Variants in DEUP1 observed in about 807,000 individuals in gnomAD.
DEUP1 encodes the protein deuterosome assembly protein 1, also known as coiled-coil domain containing 67.
Under a neutral mutation model 87.4 loss-of-function variants are expected in DEUP1, and 82 were observed. That is an observed-to-expected ratio of 0.94 (90% confidence interval 0.78 to 1.13). The LOEUF is 1.13. Among genes scored for constraint, DEUP1 ranks in the 50% most tolerant of loss-of-function variants. The pLI is 0.00. For missense variants in DEUP1, 663 were observed against 681.5 expected (o/e 0.97, Z 0.30); for synonymous variants, 214 against 222.7 (o/e 0.96, Z 0.35).
At chr11:93,428,793 GT>G (rs967888949) in intron 13 of DEUP1, among the ~76,000 whole-genome samples, 5 of 152,032 alleles carry the variant, frequency 3.3e-5, no homozygotes, top group Admixed American at 2.6e-4. Flanking sequence ...TCATTAACCT[GT>G]TTTTATATAT....
chr11:93,367,472 G>T (rs988038940), intron 5 of DEUP1, among the ~76,000 whole-genome samples: 3 of 151,994 alleles, frequency 2.0e-5, no homozygotes, highest in Non-Finnish European at 4.4e-5. Flanking sequence ...TTGATATATT[G>T]TGGGAAATAG....
At position 93,414,129 on chromosome 11, in the gene DEUP1, C is replaced by T. The variant is rs60713237; in HGVS notation, c.1524-871C>T. ...AGAGATAAAGTTACCTGCTCAAGAT[C>T]ACACAACTAGTAACTGGAGGAGCTT... is the stretch of plus-strand genomic sequence containing the variant. On this transcript the variant is annotated intron_variant, in intron 12 of 13. Coordinates refer to ENST00000298050, the MANE Select transcript of DEUP1 (RefSeq NM_181645.4). Among the ~76,000 whole-genome samples the T allele has an allele frequency of 7.5e-3, 1,145 of 152,240 alleles. 15 individuals are homozygous for T. The highest frequency in any genetic ancestry group is 0.027 in the African/African-American group (1,104 of 41,550).
chr11:93,347,946 T>C (rs1247180346), intron 2 of DEUP1, among the ~76,000 whole-genome samples: 1 of 152,082 alleles, frequency 6.6e-6, no homozygotes, highest in African/African-American at 2.4e-5. Flanking sequence ...TTCACCATGT[T>C]AGCCAGGATG....
intron 13 of DEUP1, among the ~76,000 whole-genome samples, chr11:93,428,068 A>G (rs1039378581): frequency 7.2e-5 from 11 of 152,078 alleles, no homozygotes; most frequent in African/African-American, 2.7e-4. Context: ...CAGTGTGGCG[A>G]TTCCTCAGGG....
chr11:93,363,646 C>A (rs2925360), intron 4 of DEUP1, among the ~76,000 whole-genome samples: 80,875 of 151,486 alleles, frequency 0.53, 21,938 homozygotes, highest in Admixed American at 0.65. Context: ...AAAGAATTAT[C>A]ATTAAGAAAA....
chr11:93,350,673 G>A (rs1944581892), intron 2 of DEUP1, among the ~76,000 whole-genome samples: 2 of 152,102 alleles, frequency 1.3e-5, no homozygotes, highest in African/African-American at 4.8e-5. Context: ...AGAGGGGCAA[G>A]GTGCGGTGGC....
intron 11 of DEUP1, among the ~76,000 whole-genome samples, chr11:93,406,521 G>A (rs1231550487): frequency 3.3e-5 from 5 of 151,278 alleles, no homozygotes; most frequent in African/African-American, 7.3e-5. Context: ...AAAACAAATA[G>A]AAGAAAATAC....
At chr11:93,365,167 A>T (rs1322140461) in intron 5 of DEUP1, among the ~76,000 whole-genome samples, 1 of 152,096 alleles carries the variant, frequency 6.6e-6, no homozygotes. Flanking sequence ...ATCTTTAATT[A>T]AAAAGTCCTT....
intron 2 of DEUP1, among the ~76,000 whole-genome samples, chr11:93,350,212 A>T (rs1423504223): frequency 1.3e-5 from 2 of 152,202 alleles, no homozygotes; most frequent in Non-Finnish European, 2.9e-5. Flanking sequence ...ATATGGTCTG[A>T]TTATTGTCCA....
intron 13 of DEUP1, among the ~76,000 whole-genome samples, chr11:93,434,383 A>C (rs560861769): frequency 6.6e-6 from 1 of 152,280 alleles, no homozygotes; most frequent in African/African-American, 2.4e-5. Context: ...CCTTATTAGG[A>C]TATGGTTTCT....
At chr11:93,350,925 G>A (rs903703072) in intron 2 of DEUP1, among the ~76,000 whole-genome samples, 7 of 151,090 alleles carry the variant, frequency 4.6e-5, no homozygotes, top group Middle Eastern at 7.0e-3. Context: ...CACTGCCCTC[G>A]AGCCTGGGCA....
At position 93,371,225 on chromosome 11, in the gene DEUP1, A is replaced by G. The variant is rs1308472763; in HGVS notation, c.734A>G (p.Gln245Arg). ...NEIALSRNKL[Q>R]DENQKLLQEL... ...ATAGCACTAAGCAGGAATAAATTAC[A>G]AGATGAAAATCAGAAGCTCTTGCAA... The change falls in exon 7 of 14, where the codon CAA (glutamine) becomes CGA (arginine). Residue 245 changes from glutamine (Q) to arginine (R), a missense_variant. Physicochemically the swap from Gln to Arg is conservative, Grantham distance 43. Transcript: ENST00000298050. The G allele has an allele frequency of 5.6e-6, 9 of 1,613,288 alleles. No individual in the cohort carries two copies. Among genetic ancestry groups the G allele is most frequent in the Non-Finnish European group, 7.6e-6 (9 of 1,179,630 alleles).
At chr11:93,401,498 G>T (rs1947118539) in intron 11 of DEUP1, among the ~76,000 whole-genome samples, 1 of 151,948 alleles carries the variant, frequency 6.6e-6, no homozygotes, top group South Asian at 2.1e-4. Flanking sequence ...GAAATCCTAA[G>T]TAGAAAGAAC....
intron 2 of DEUP1, 50 bp from the exon 3 acceptor site, chr11:93,355,321 C>A: frequency 6.5e-7 from 1 of 1,534,748 alleles, no homozygotes; most frequent in African/African-American, 1.4e-5. Context: ...TTTTTTTTGC[C>A]CTCACATTTC....
intron 12 of DEUP1, among the ~76,000 whole-genome samples, chr11:93,409,624 A>G (rs935398526): frequency 1.3e-5 from 2 of 152,204 alleles, no homozygotes; most frequent in African/African-American, 2.4e-5. Context: ...ACCCAACTTC[A>G]TTGCAACATT....
chr11:93,372,233 T>C (rs1440125470), intron 7 of DEUP1, among the ~76,000 whole-genome samples: 5 of 152,164 alleles, frequency 3.3e-5, no homozygotes, highest in Non-Finnish European at 7.3e-5. Context: ...CGGCCCAAAA[T>C]ATGTATTTCT....
intron 13 of DEUP1, among the ~76,000 whole-genome samples, chr11:93,437,200 G>A (rs1262731305): frequency 6.6e-6 from 1 of 152,188 alleles, no homozygotes; most frequent in Non-Finnish European, 1.5e-5. Context: ...GCTTTTTGGA[G>A]TTGCCTATTT....
intron 13 of DEUP1, among the ~76,000 whole-genome samples, chr11:93,428,326 T>C (rs1283230626): frequency 6.6e-6 from 1 of 151,980 alleles, no homozygotes; most frequent in Non-Finnish European, 1.5e-5. Flanking sequence ...ACCATCATTC[T>C]CAGCAAACTA....
chr11:93,371,952 G>T (rs1312465230), intron 7 of DEUP1, among the ~76,000 whole-genome samples: 2 of 144,452 alleles, frequency 1.4e-5, no homozygotes, highest in Non-Finnish European at 3.0e-5. Flanking sequence ...TTTTTGAGAC[G>T]GAGTCTCGCT....
Sources: gnomAD v4.1 joint callset for allele counts (sites outside exome capture counted in the v4.1 genomes callset) on GRCh38, gnomAD v4.1.1 for gene constraint, MANE v1.5 for transcripts, NCBI Gene and HGNC (gene_info 2026-07-23, HGNC 2026-07-21) for gene names.